The following GPAM variants were observed in gnomAD, a reference collection of about 807,000 sequenced individuals.
GPAM encodes the protein glycerol-3-phosphate acyltransferase, mitochondrial.
GPAM carries 56 observed loss-of-function variants against 105.0 expected under a neutral mutation model. That is an observed-to-expected ratio of 0.53 (90% CI 0.43 to 0.67). The LOEUF is 0.67. Among genes scored for constraint, GPAM ranks in the 30% least tolerant of loss-of-function variants. The probability of loss-of-function intolerance (pLI) is 0.00; values close to 1 mark genes in which losing one functional copy is unlikely to be tolerated. For synonymous variants in GPAM, 368 were observed against 354.4 expected, an observed-to-expected ratio of 1.04 and a Z score of -0.43; for missense variants, 855 against 989.8, an observed-to-expected ratio of 0.86 and a Z score of 1.83.
At chr10:112,214,586 C>T (rs1192771009) in intron 1 of GPAM, among the ~76,000 whole-genome samples, 1 of 152,170 alleles carries the variant, frequency 6.6e-6, no homozygotes, top group Non-Finnish European at 1.5e-5. Context: ...GTAGGGAATA[C>T]AGTGGGGATA....
chr10:112,210,211 G>A (rs1353676113), intron 1 of GPAM, among the ~76,000 whole-genome samples: 1 of 152,192 alleles, frequency 6.6e-6, no homozygotes, highest in Non-Finnish European at 1.5e-5. Flanking sequence ...CCTCTTACGA[G>A]CTGTTGGGGG....
intron 1 of GPAM, among the ~76,000 whole-genome samples, chr10:112,204,225 T>C (rs1847833300): frequency 6.6e-6 from 1 of 151,780 alleles, no homozygotes; most frequent in South Asian, 2.1e-4. Context: ...TCTGCAAATC[T>C]CTGGTTATTA....
chr10:112,159,846 G>A (rs1240814741), intron 17 of GPAM, 65 bp downstream of exon 17: 2 of 1,490,512 alleles, frequency 1.3e-6, no homozygotes, highest in Admixed American at 1.7e-5. Context: ...AAAACACGGG[G>A]GGTTACGTTT....
intron 1 of GPAM, among the ~76,000 whole-genome samples, chr10:112,192,726 T>C (rs1281968141): frequency 6.6e-6 from 1 of 152,116 alleles, no homozygotes; most frequent in African/African-American, 2.4e-5. Flanking sequence ...TAGTAAAAAG[T>C]TTGGAAAATT....
intron 20 of GPAM, 28 bp downstream of exon 20, chr10:112,155,830 AGATTTT>A: frequency 7.3e-7 from 1 of 1,370,156 alleles, no homozygotes; most frequent in East Asian, 2.3e-5. Flanking sequence ...AAAAAAAAAA[AGATTTT>A]AAAAGAATAA....
intron 1 of GPAM, among the ~76,000 whole-genome samples, chr10:112,209,047 G>T (rs903923106): frequency 6.6e-6 from 1 of 152,220 alleles, no homozygotes; most frequent in African/African-American, 2.4e-5. Context: ...GATGGGGACA[G>T]TTGAGAAGAA....
intron 1 of GPAM, among the ~76,000 whole-genome samples, chr10:112,213,402 A>G (rs1847934418): frequency 6.6e-6 from 1 of 152,190 alleles, no homozygotes; most frequent in African/African-American, 2.4e-5. Context: ...TAAAGCCCTT[A>G]GAAGAGTGTT....
At chr10:112,158,959 G>C (rs917331984) in intron 17 of GPAM, among the ~76,000 whole-genome samples, 1 of 152,230 alleles carries the variant, frequency 6.6e-6, no homozygotes, top group East Asian at 1.9e-4. Flanking sequence ...ATGGCATGGA[G>C]GGGGCGGTAC....
intron 5 of GPAM, among the ~76,000 whole-genome samples, chr10:112,177,008 G>A (rs1358641867): frequency 6.6e-6 from 1 of 152,060 alleles, no homozygotes; most frequent in Non-Finnish European, 1.5e-5. Flanking sequence ...AAGACTCTGA[G>A]ATCCCTTTTC....
intron 1 of GPAM, among the ~76,000 whole-genome samples, chr10:112,206,969 A>G (rs1234471587): frequency 6.6e-6 from 1 of 152,212 alleles, no homozygotes; most frequent in African/African-American, 2.4e-5. Flanking sequence ...CAGAATATCT[A>G]TTCAAGCTAC....
intron 13 of GPAM, 73 bp downstream of exon 13, chr10:112,164,452 T>C (rs1407615836): frequency 1.2e-6 from 1 of 834,734 alleles, no homozygotes. Context: ...TTTAATAAGG[T>C]TAATCTATGC....
upstream of GPAM, among the ~76,000 whole-genome samples, chr10:112,216,145 G>C (rs1847965609): frequency 6.6e-6 from 1 of 152,148 alleles, no homozygotes. Flanking sequence ...GGCTCTTACA[G>C]GCCCTATAGA....
At chr10:112,200,000 ATTG>A (rs143559686) in intron 1 of GPAM, among the ~76,000 whole-genome samples, 3,360 of 151,922 alleles carry the variant, frequency 0.022, 56 homozygotes, top group Non-Finnish European at 0.032. Context: ...AATATATACA[ATTG>A]TTGTCAACTA....
intron 9 of GPAM, among the ~76,000 whole-genome samples, chr10:112,170,542 T>A (rs1424741796): frequency 1.3e-5 from 2 of 152,144 alleles, no homozygotes; most frequent in African/African-American, 2.4e-5. Context: ...GTATAGGAAA[T>A]ATTCTAATTA....
At chr10:112,155,601 A>T in intron 20 of GPAM, 1 of 382,350 alleles carries the variant, frequency 2.6e-6, no homozygotes, top group Non-Finnish European at 4.8e-6. Flanking sequence ...TATACAATGG[A>T]ACACTACACA....
chr10:112,200,147 T>C (rs1264004531), intron 1 of GPAM, among the ~76,000 whole-genome samples: 2 of 138,678 alleles, frequency 1.4e-5, no homozygotes, highest in African/African-American at 5.1e-5. Flanking sequence ...CAGGAACACA[T>C]ATTTACACAT....
At chr10:112,221,361 C>G in the GPAM span, among the ~76,000 whole-genome samples, 3 of 152,162 alleles carry the variant, frequency 2.0e-5, no homozygotes, top group Non-Finnish European at 2.9e-5. Flanking sequence ...GGGTTTGTCT[C>G]TCTTACTTCT....
Position 112,163,946 on chromosome 10 carries a change from T to C in GPAM, c.1308-130A>G. On this transcript the variant is annotated intron_variant, in intron 13 of 21. Coordinates refer to ENST00000348367, the MANE Select transcript of GPAM (RefSeq NM_001244949.2). ...TTAAATTTAAACCACAAACAGATTA[T>C]TTCTATGGCTTATTTTCCTCCATAA... 4.4e-6 allele frequency: 3 copies of C among 688,120 alleles called. No individual in the cohort carries two copies. In the South Asian group the frequency reaches 4.8e-5, roughly 11 times the overall value. 42.6% of individuals were successfully genotyped at this position (688,120 alleles called of 1,614,324 possible).
In GPAM at chr10:112,180,365, T is replaced by C. The variant is rs558558952; in HGVS notation, c.225+108A>G. ...ACTTGAAATATTTGGTTCATAAACA[T>C]GGGTCTCTGTTCTGAAAGTGAATTT... is the stretch of plus-strand genomic sequence containing the variant. On this transcript the variant is annotated intron_variant, in intron 4 of 21. Coordinates refer to ENST00000348367, the MANE Select transcript of GPAM (RefSeq NM_001244949.2). 5 of 1,015,042 alleles carry C rather than the reference T, an allele frequency of 4.9e-6. No individual in the cohort carries two copies. In the African/African-American group the frequency reaches 7.9e-5, roughly 16 times the overall value. The allele number at this position is 1,015,042 out of a possible 1,614,324, so 62.9% of individuals were successfully genotyped here. A position where few individuals can be genotyped will look rare whatever the true frequency, so the allele number is the denominator to read the frequency against.
Sources: allele counts gnomAD v4.1 joint callset (sites outside exome capture counted in the v4.1 genomes callset), GRCh38; gene constraint gnomAD v4.1.1; transcripts MANE v1.5; gene names NCBI Gene and HGNC (gene_info 2026-07-23, HGNC 2026-07-21).